Variants in SNED1 observed in about 807,000 individuals in gnomAD.
SNED1 encodes sushi, nidogen and EGF-like domain-containing protein 1.
A neutral mutation model predicts 166.7 loss-of-function variants in SNED1; 81 were observed. The ratio of observed to expected loss-of-function variants is 0.49; its 90% CI spans 0.41 to 0.58. The LOEUF (loss-of-function observed/expected upper bound fraction) is 0.58. Ranked by LOEUF, SNED1 falls within the 20% of genes least tolerant of loss-of-function variation. The probability of loss-of-function intolerance (pLI) is 0.00; values close to 1 mark genes in which losing one functional copy is unlikely to be tolerated. For missense variants in SNED1, 1,604 were observed against 2,000.2 expected, an observed-to-expected ratio of 0.80 and a Z score of 3.78; for synonymous variants, 762 against 822.0, an observed-to-expected ratio of 0.93 and a Z score of 1.25.
chr2:241,089,506 C>A, intron 31 of SNED1: 1 of 1,410,702 alleles, frequency 7.1e-7, no homozygotes, highest in Non-Finnish European at 9.5e-7. Flanking sequence ...CGGAGCTCCG[C>A]ACATGGCAGG....
Position 241,051,952 on chromosome 2 carries a change from T to C in SNED1, c.1853-89T>C. The C allele has an allele frequency of 6.7e-7, 1 of 1,481,818 alleles. No individual in the cohort carries two copies. The highest frequency in any genetic ancestry group is 9.3e-7 in the Non-Finnish European group (1 of 1,080,706). 91.8% of individuals were successfully genotyped at this position (1,481,818 alleles called of 1,614,324 possible). The stretch of plus-strand genomic sequence containing the variant: ...GCACCCTCCCTGCCAGCTGTGGGTC[T>C]GCTTCTCATGAAGAGGCCCCAGCTC... On this transcript the variant is annotated intron_variant, in intron 13 of 31. Coordinates refer to ENST00000310397, the MANE Select transcript of SNED1 (RefSeq NM_001080437.3). This position sits in a 1 kb window ranked among gnomAD's most constrained non-coding sequence, Gnocchi z 4.7.
At chr2:241,070,238 T>C (rs2062640472) in intron 24 of SNED1, 37 bp downstream of exon 24, 7 of 1,562,778 alleles carry the variant, frequency 4.5e-6, no homozygotes, top group Non-Finnish European at 6.0e-6. Flanking sequence ...GCGGGGCCAG[T>C]GTTTGCCAGC....
Position 240,999,061 on chromosome 2 carries a change from C to T in SNED1, c.213+11C>T. ...CACTCCGGACTCTACGTGAGTAACC[C>T]CCGGGCTCGCGGGGCGCCCGGGAGG... is the stretch of plus-strand genomic sequence containing the variant. On this transcript the variant is annotated intron_variant, in intron 1 of 31. Transcript: ENST00000310397. This position sits in a 1 kb window ranked among gnomAD's most constrained non-coding sequence, Gnocchi z 5.8. 7.8e-7 allele frequency: 1 copy of T among 1,279,122 alleles called. No homozygotes were observed. Among genetic ancestry groups the T allele is most frequent in the Non-Finnish European group, 9.9e-7 (1 of 1,008,782 alleles). The allele number at this position is 1,279,122 out of a possible 1,614,324, so 79.2% of individuals were successfully genotyped here.
At chr2:241,072,017 G>A in intron 26 of SNED1, 139 bp downstream of exon 26, 1 of 814,336 alleles carries the variant, frequency 1.2e-6, no homozygotes, top group Non-Finnish European at 2.1e-6. Context: ...CACCCCGACT[G>A]TGCACAAGGC....
chr2:241,083,513 A>G (rs891620728), intron 29 of SNED1, among the ~76,000 whole-genome samples: 3 of 152,232 alleles, frequency 2.0e-5, no homozygotes, highest in Admixed American at 6.5e-5. Context: ...GAGCTTGGAC[A>G]TGAAGCCAGG....
chr2:241,048,543 T>C lies in SNED1; in HGVS notation c.1399+103T>C, dbSNP rs547093505. On this transcript the variant is annotated intron_variant, in intron 9 of 31. Coordinates refer to ENST00000310397, the MANE Select transcript of SNED1 (RefSeq NM_001080437.3). Reference sequence around the variant, plus strand: ...AGGAAACGCCCCGAAAAGAAACGTGTGAGTGCGCGTCCACTGCAATTTGTA... The same window carrying C: ...AGGAAACGCCCCGAAAAGAAACGTGCGAGTGCGCGTCCACTGCAATTTGTA... The C allele has an allele frequency of 3.0e-5, 45 of 1,490,658 alleles. No individual in the cohort carries two copies. In the African/African-American group the frequency reaches 4.8e-4, roughly 16 times the overall value. The allele number at this position is 1,490,658 out of a possible 1,614,324, so 92.3% of individuals were successfully genotyped here.
At position 241,070,191 on chromosome 2, in the gene SNED1, C is replaced by A. The variant is rs780712708; in HGVS notation, c.3579C>A (p.Tyr1193Ter). The A allele has an allele frequency of 1.9e-6, 3 of 1,605,572 alleles. No homozygotes were observed. Among genetic ancestry groups the A allele is most frequent in the Non-Finnish European group, 2.5e-6 (3 of 1,178,006 alleles). The change falls in exon 24 of 32, where the codon TAC (tyrosine) becomes TAA (stop). Residue 1193 changes from tyrosine (Y) to a stop codon, truncating the protein, a stop_gained. Transcript: ENST00000310397. LOFTEE classifies it high-confidence loss of function. ...AGCACAGCGAGCCCGCCCACCTCTA[C>A]ATCATCACCTGTGAGTGCCGTGGGC... ...GPQHSEPAHL[Y>*]IITSPRDGAD...
intron 8 of SNED1, among the ~76,000 whole-genome samples, chr2:241,044,803 T>C (rs969717936): frequency 3.9e-5 from 6 of 152,198 alleles, no homozygotes; most frequent in African/African-American, 1.4e-4. Context: ...GTTTTTCCCT[T>C]TGTCTGTCAT....
At chr2:241,072,049 C>A (rs1363002832) in intron 26 of SNED1, 171 bp downstream of exon 26, 16 of 713,572 alleles carry the variant, frequency 2.2e-5, no homozygotes, top group Non-Finnish European at 4.0e-5. Flanking sequence ...GGGCCGCCGG[C>A]AGCATGCACC....
In SNED1 at chr2:241,053,197, C is replaced by T; in HGVS notation, c.2128C>T (p.Arg710Cys). Residue 710 changes from arginine to cysteine, a missense_variant, in exon 16 of 32, where the codon CGC becomes TGC. Arg to Cys is a radical substitution (Grantham distance 180). Coordinates refer to ENST00000310397, the MANE Select transcript of SNED1 (RefSeq NM_001080437.3). ...PPEEVKHATL[R>C]FNGTRLGAVA... is the part of the protein sequence containing the mutation. The stretch of plus-strand genomic sequence containing the variant: ...GGAGGAGGTGAAGCACGCCACACTG[C>T]GCTTCAACGGCACGCGGCTGGGCGC... 1 of 1,611,020 alleles carries T rather than the reference C, an allele frequency of 6.2e-7. No homozygotes were observed. Among genetic ancestry groups the T allele is most frequent in the Non-Finnish European group, 8.5e-7 (1 of 1,179,444 alleles).
intron 28 of SNED1, 117 bp from the exon 29 acceptor site, chr2:241,082,160 C>A: frequency 1.3e-6 from 1 of 776,616 alleles, no homozygotes; most frequent in Non-Finnish European, 2.1e-6. Context: ...CACCATCCCG[C>A]CTTGGAGGAA....
intron 18 of SNED1, 144 bp from the exon 19 acceptor site, chr2:241,063,868 G>C: frequency 1.3e-6 from 1 of 758,650 alleles, no homozygotes; most frequent in Non-Finnish European, 2.2e-6. Flanking sequence ...GTGCTGGGGA[G>C]GGCTGAGGGG....
intron 27 of SNED1, among the ~76,000 whole-genome samples, chr2:241,078,743 T>C (rs1046898471): frequency 6.6e-6 from 1 of 151,834 alleles, no homozygotes; most frequent in Non-Finnish European, 1.5e-5. Flanking sequence ...TCTGTGAATA[T>C]GCTTAAAACC....
At chr2:241,052,236 G>T (rs2061865669) in intron 14 of SNED1, 79 bp downstream of exon 14, 4 of 1,469,562 alleles carry the variant, frequency 2.7e-6, no homozygotes, top group Admixed American at 3.5e-5. Context: ...CCATGGGCAG[G>T]GCTGGTCCAG....
chr2:241,072,640 C>T (rs1007710524), intron 26 of SNED1: 8 of 227,276 alleles, frequency 3.5e-5, no homozygotes, highest in African/African-American at 9.4e-5. Flanking sequence ...GCCCTGGGGT[C>T]CCTGCCGCAC....
chr2:241,065,646 G>A, intron 21 of SNED1, 51 bp downstream of exon 21: 3 of 1,530,592 alleles, frequency 2.0e-6, no homozygotes, highest in Non-Finnish European at 2.7e-6. Flanking sequence ...CCCCTCGAGG[G>A]CAGCGCTGGC....
intron 24 of SNED1, chr2:241,071,275 A>G: frequency 4.3e-6 from 2 of 469,132 alleles, no homozygotes; most frequent in Non-Finnish European, 7.8e-6. Context: ...CAGCCCCTTG[A>G]GAACTTGAGT....
intron 3 of SNED1, 68 bp from the exon 4 acceptor site, chr2:241,034,500 A>G (rs1057219116): frequency 7.2e-7 from 1 of 1,385,370 alleles, no homozygotes; most frequent in Non-Finnish European, 9.9e-7. Context: ...TGGTGGGGGC[A>G]GGGTAACCCC....
At chr2:240,998,204 C>T (rs1370316266), upstream of SNED1, among the ~76,000 whole-genome samples, 2 of 152,258 alleles carry the variant, frequency 1.3e-5, no homozygotes, top group African/African-American at 2.4e-5. Flanking sequence ...TTAGTCTGCC[C>T]CTGTGGCTGG....
Sources: gnomAD v4.1 joint callset for allele counts (sites outside exome capture counted in the v4.1 genomes callset) on GRCh38, gnomAD v4.1.1 for gene constraint, Gnocchi (gnomAD v3.1) non-coding constraint, MANE v1.5 for transcripts, NCBI Gene and HGNC (gene_info 2026-07-23, HGNC 2026-07-21) for gene names.